Variants in KCNQ3 observed in about 807,000 individuals in gnomAD.
KCNQ3 encodes potassium voltage-gated channel subfamily KQT member 3.
KCNQ3 carries 30 observed loss-of-function variants against 92.5 expected under a neutral mutation model. The ratio of observed to expected loss-of-function variants is 0.32; its 90% confidence interval spans 0.24 to 0.44. The LOEUF is 0.44. Ranked by LOEUF, KCNQ3 falls within the 20% of genes least tolerant of loss-of-function variation. The pLI is 1.00. For missense variants in KCNQ3, 913 were observed against 1,140.3 expected (o/e 0.80, Z 2.87); for synonymous variants, 450 against 468.8 (o/e 0.96, Z 0.52).
At chr8:132,426,601 T>A (rs1306220026) in intron 1 of KCNQ3, among the ~76,000 whole-genome samples, 2 of 152,194 alleles carry the variant, frequency 1.3e-5, no homozygotes, top group African/African-American at 4.8e-5. Context: ...CAATCCCATA[T>A]CCCATAACTG....
intron 1 of KCNQ3, among the ~76,000 whole-genome samples, chr8:132,217,377 C>T (rs893210252): frequency 3.3e-5 from 5 of 152,110 alleles, no homozygotes; most frequent in African/African-American, 1.2e-4. Context: ...AAAGCTGATT[C>T]ATGGAATCTC....
intron 4 of KCNQ3, among the ~76,000 whole-genome samples, chr8:132,175,933 G>A (rs540172166): frequency 1.3e-5 from 2 of 152,244 alleles, no homozygotes; most frequent in South Asian, 4.2e-4. Context: ...TCTAATACAA[G>A]GCTCAGGACT....
chr8:132,279,192 TG>T (rs1286770666), intron 1 of KCNQ3, among the ~76,000 whole-genome samples: 15 of 152,178 alleles, frequency 9.9e-5, no homozygotes, highest in Non-Finnish European at 2.9e-5. Flanking sequence ...CACTCCAGCC[TG>T]GGTGACAGAG....
intron 1 of KCNQ3, among the ~76,000 whole-genome samples, chr8:132,479,195 G>A (rs1327674780): frequency 4.0e-5 from 6 of 151,888 alleles, no homozygotes; most frequent in Admixed American, 3.9e-4. Flanking sequence ...TCCCAAATAC[G>A]GGTGGATTTT....
At chr8:132,330,228 A>G (rs1012552618) in intron 1 of KCNQ3, among the ~76,000 whole-genome samples, 1 of 152,186 alleles carries the variant, frequency 6.6e-6, no homozygotes, top group Non-Finnish European at 1.5e-5. Context: ...CAAGGAATGG[A>G]TTGTCCCATA....
At position 132,129,864 on chromosome 8, in the gene KCNQ3, CCTT is replaced by C. The variant is rs777822578; in HGVS notation, c.2014_2016del (p.Lys672del). The C allele has an allele frequency of 7.4e-6, 12 of 1,614,152 alleles. No homozygotes were observed. Among genetic ancestry groups the C allele is most frequent in the East Asian group, 6.7e-5 (3 of 44,866 alleles). On this transcript the variant is annotated inframe_deletion, in exon 15 of 15. Coordinates refer to ENST00000388996, the MANE Select transcript of KCNQ3 (RefSeq NM_004519.4). The surrounding 1 kb of genome is among the most constrained non-coding windows in gnomAD (Gnocchi z 5.9). ...TTCAAATCGGAATACCTGTTGTCCT[CCTT>C]CTTCTCTGCTTCAGCTGGCGAGGAG...
chr8:132,203,433 T>C (rs947089039), intron 1 of KCNQ3, among the ~76,000 whole-genome samples: 1 of 152,188 alleles, frequency 6.6e-6, no homozygotes, highest in African/African-American at 2.4e-5. Context: ...TTCTGGTTCC[T>C]CATCTCTAAA....
intron 9 of KCNQ3, among the ~76,000 whole-genome samples, chr8:132,145,524 AAT>A (rs555786599): frequency 1.2e-3 from 190 of 152,330 alleles, no homozygotes; most frequent in Middle Eastern, 3.4e-3. Context: ...ATTCAACAAA[AAT>A]GTGTTCCACA....
intron 1 of KCNQ3, among the ~76,000 whole-genome samples, chr8:132,472,403 G>A (rs1180391692): frequency 6.6e-6 from 1 of 152,130 alleles, no homozygotes; most frequent in Non-Finnish European, 1.5e-5. Context: ...TATGGTATAT[G>A]TACACAATGG....
intron 1 of KCNQ3, among the ~76,000 whole-genome samples, chr8:132,255,580 C>T (rs1815558242): frequency 1.3e-5 from 2 of 152,180 alleles, no homozygotes; most frequent in South Asian, 2.1e-4. Flanking sequence ...GAGCCCTAAG[C>T]TCTCACCTTT....
intron 1 of KCNQ3, among the ~76,000 whole-genome samples, chr8:132,385,503 C>T (rs1346032503): frequency 2.6e-5 from 4 of 152,182 alleles, no homozygotes; most frequent in Non-Finnish European, 4.4e-5. Flanking sequence ...AAGGTTGTGT[C>T]CTCAAGAATG....
chr8:132,270,965 G>T (rs1023054674), intron 1 of KCNQ3, among the ~76,000 whole-genome samples: 2 of 152,214 alleles, frequency 1.3e-5, no homozygotes, highest in Non-Finnish European at 2.9e-5. Context: ...CCAGTCAATT[G>T]TGTTACAGCA....
chr8:132,253,099 A>G (rs1301227704), intron 1 of KCNQ3, among the ~76,000 whole-genome samples: 1 of 152,142 alleles, frequency 6.6e-6, no homozygotes, highest in Non-Finnish European at 1.5e-5. Flanking sequence ...AAATCTACCT[A>G]CCTATCCATT....
At chr8:132,390,663 C>G (rs897388977) in intron 1 of KCNQ3, among the ~76,000 whole-genome samples, 3 of 152,124 alleles carry the variant, frequency 2.0e-5, no homozygotes, top group African/African-American at 7.2e-5. Context: ...CACTCTCCAG[C>G]ACTTCTCTCT....
intron 1 of KCNQ3, among the ~76,000 whole-genome samples, chr8:132,254,114 A>G (rs1325528047): frequency 6.6e-6 from 1 of 152,258 alleles, no homozygotes; most frequent in Non-Finnish European, 1.5e-5. Context: ...TCAGACTCTC[A>G]GGACTTACCC....
chr8:132,134,460 TTC>T, intron 12 of KCNQ3, 72 bp from the exon 13 acceptor site: 1 of 1,082,878 alleles, frequency 9.2e-7, no homozygotes, highest in South Asian at 1.3e-5. Flanking sequence ...AATCATTCTA[TTC>T]TCTCTAGAAT....
intron 1 of KCNQ3, among the ~76,000 whole-genome samples, chr8:132,309,661 G>A (rs1366018163): frequency 6.6e-6 from 1 of 152,184 alleles, no homozygotes; most frequent in East Asian, 1.9e-4. Context: ...CCACATGTCA[G>A]CTAAAAGAAT....
chr8:132,144,618 G>C (rs917503732), intron 9 of KCNQ3, among the ~76,000 whole-genome samples: 40 of 152,190 alleles, frequency 2.6e-4, no homozygotes, highest in African/African-American at 9.4e-4. Flanking sequence ...GAAAATCAAG[G>C]TTGTTCTATC....
At chr8:132,146,422 A>G (rs1169324063) in intron 9 of KCNQ3, among the ~76,000 whole-genome samples, 2 of 152,234 alleles carry the variant, frequency 1.3e-5, no homozygotes, top group Admixed American at 6.5e-5. Context: ...TATATGGGAT[A>G]TCAAGTGTGG....
Sources: allele counts gnomAD v4.1 joint callset (sites outside exome capture counted in the v4.1 genomes callset), GRCh38; gene constraint gnomAD v4.1.1; non-coding constraint Gnocchi (gnomAD v3.1); transcripts MANE v1.5; gene names NCBI Gene and HGNC (gene_info 2026-07-23, HGNC 2026-07-21).